Variants in MFAP1 observed in about 807,000 individuals in gnomAD.
The protein encoded by MFAP1 is microfibrillar-associated protein 1.
In MFAP1, 18 loss-of-function variants were observed where a neutral mutation model predicts 62.2. That is an observed-to-expected ratio of 0.29 (90% CI 0.20 to 0.43). The LOEUF (loss-of-function observed/expected upper bound fraction) is 0.43, where lower values mean the gene tolerates loss of function less well. Ranked by LOEUF, MFAP1 falls within the 20% of genes least tolerant of loss-of-function variation. MFAP1 has a pLI of 1.00. For synonymous variants in MFAP1, 175 were observed against 180.4 expected (o/e 0.97, Z 0.24); for missense variants, 355 against 559.7 (o/e 0.63, Z 3.69).
At chr15:43,811,423 A>AG (rs2087399972) in intron 6 of MFAP1, among the ~76,000 whole-genome samples, 1 of 150,670 alleles carries the variant, frequency 6.6e-6, no homozygotes, top group Admixed American at 6.6e-5. Context: ...CTCAAAAAAA[A>AG]AAAAAAAACC....
At position 43,824,590 on chromosome 15, in the gene MFAP1, T is replaced by G; in HGVS notation, c.-21A>C. ...GACATGTTGATGGCAGCGACGGTGA[T>G]TCCCGAAACTTGACTAATTCCAAAC... On this transcript the variant is annotated 5_prime_UTR_variant, in exon 1 of 9. Transcript: ENST00000267812. 2 of 1,613,906 alleles carry G rather than the reference T, an allele frequency of 1.2e-6. No homozygotes were observed. Among genetic ancestry groups the G allele is most frequent in the Non-Finnish European group, 1.7e-6 (2 of 1,179,808 alleles).
intron 1 of MFAP1, among the ~76,000 whole-genome samples, chr15:43,821,238 T>C (rs544409062): frequency 6.6e-6 from 1 of 152,292 alleles, no homozygotes; most frequent in Non-Finnish European, 1.5e-5. Context: ...TGTAATTTTA[T>C]TGAAAGATAA....
intron 2 of MFAP1, among the ~76,000 whole-genome samples, 187 bp from the exon 3 acceptor site, chr15:43,815,261 C>T (rs2087427362): frequency 6.6e-6 from 1 of 152,054 alleles, no homozygotes; most frequent in Non-Finnish European, 1.5e-5. Flanking sequence ...CTCACTGCCA[C>T]CTCTGCCTCC....
intron 4 of MFAP1, 87 bp from the exon 5 acceptor site, chr15:43,813,444 A>G (rs1288128346): frequency 2.4e-6 from 3 of 1,255,576 alleles, no homozygotes; most frequent in Non-Finnish European, 3.3e-6. Context: ...CAAATCAGAC[A>G]AAAACCAAAC....
Position 43,824,525 on chromosome 15 carries a change from A to T in MFAP1, c.45T>A (p.Ser15=), listed in dbSNP as rs1399698734. The T allele has an allele frequency of 6.2e-7, 1 of 1,614,046 alleles. No individual in the cohort carries two copies. Among genetic ancestry groups the T allele is most frequent in the African/African-American group, 1.3e-5 (1 of 74,910 alleles). Residue 15 remains serine (S), a synonymous_variant, in exon 1 of 9, where the codon TCT becomes TCA. Transcript: ENST00000267812. ...TGCGAACTGGGACGGCCCCAGCCGT[A>T]GACTGAATGGGCGGTTGCTTCATGA... ...SALMKQPPIQ[S]TAGAVPVRNE...
chr15:43,812,884 G>A lies in MFAP1; in HGVS notation c.887+103C>T, dbSNP rs565333039. On this transcript the variant is annotated intron_variant, in intron 6 of 8. Transcript: ENST00000267812. ...CTCACAAAGCAACAAGAACTCTGAA[G>A]GTGGCTAGAATGGAACTCACAGTAG... The A allele has an allele frequency of 5.3e-6, 7 of 1,322,764 alleles. No homozygotes were observed. The East Asian group carries it at 1.2e-4, about 22-fold the overall frequency. 81.9% of individuals were successfully genotyped at this position (1,322,764 alleles called of 1,614,324 possible). A position where few individuals can be genotyped will look rare whatever the true frequency, so the allele number is the denominator to read the frequency against.
intron 3 of MFAP1, 120 bp from the exon 4 acceptor site, chr15:43,814,808 C>A: frequency 6.7e-7 from 1 of 1,485,778 alleles, no homozygotes; most frequent in Non-Finnish European, 9.1e-7. Flanking sequence ...ATTTTTAATC[C>A]TATCCCCACA....
At chr15:43,810,052 T>C (rs1460611170) in intron 6 of MFAP1, 138 bp from the exon 7 acceptor site, 14 of 1,032,600 alleles carry the variant, frequency 1.4e-5, no homozygotes, top group Middle Eastern at 2.4e-4. Context: ...GGAATCAAGA[T>C]AAGGAGCTCA....
At chr15:43,821,064 T>C (rs1175634151) in intron 1 of MFAP1, among the ~76,000 whole-genome samples, 2 of 152,134 alleles carry the variant, frequency 1.3e-5, no homozygotes, top group East Asian at 1.9e-4. Flanking sequence ...ACCACCCAGG[T>C]AATTTTGTTT....
intron 1 of MFAP1, 24 bp downstream of exon 1, chr15:43,824,467 G>C: frequency 6.2e-7 from 1 of 1,612,828 alleles, no homozygotes; most frequent in Non-Finnish European, 8.5e-7. Flanking sequence ...AAATTCGACT[G>C]GGAAGAGGGT....
intron 2 of MFAP1, among the ~76,000 whole-genome samples, chr15:43,816,917 A>G (rs1163032096): frequency 6.6e-6 from 1 of 152,128 alleles, no homozygotes; most frequent in Non-Finnish European, 1.5e-5. Context: ...ACTCCTCTCA[A>G]CAGCCAACAA....
intron 7 of MFAP1, among the ~76,000 whole-genome samples, chr15:43,807,409 C>T (rs1299328446): frequency 1.3e-5 from 2 of 150,392 alleles, no homozygotes; most frequent in African/African-American, 4.9e-5. Flanking sequence ...AGTGCAGTGG[C>T]GTGATCTCGG....
At chr15:43,805,673 C>G (rs1029681136) in intron 7 of MFAP1, among the ~76,000 whole-genome samples, 1 of 151,566 alleles carries the variant, frequency 6.6e-6, no homozygotes, top group Non-Finnish European at 1.5e-5. Flanking sequence ...AGTGCACTGC[C>G]GCGATCTTGG....
At chr15:43,812,691 G>C (rs910440219) in intron 6 of MFAP1, among the ~76,000 whole-genome samples, 3 of 152,144 alleles carry the variant, frequency 2.0e-5, no homozygotes, top group African/African-American at 7.2e-5. Flanking sequence ...TTGTGGGTTG[G>C]GTTGTACACA....
chr15:43,804,906 T>C lies in MFAP1; in HGVS notation c.*188A>G. On this transcript the variant is annotated 3_prime_UTR_variant, in exon 9 of 9. Coordinates refer to ENST00000267812, the MANE Select transcript of MFAP1 (RefSeq NM_005926.3). Reference sequence around the variant, plus strand: ...ATCCTACCTGGACAGTGCTTTCCTGTGGGTTTCTCAGCATGAGTCCAAACC... The same window carrying C: ...ATCCTACCTGGACAGTGCTTTCCTGCGGGTTTCTCAGCATGAGTCCAAACC... 1.9e-6 allele frequency: 1 copy of C among 536,442 alleles called. No homozygotes were observed. Among genetic ancestry groups the C allele is most frequent in the Admixed American group, 3.4e-5 (1 of 29,816 alleles). The allele number at this position is 536,442 out of a possible 1,614,324, so 33.2% of individuals were successfully genotyped here.
chr15:43,824,604 C>A lies in MFAP1; in HGVS notation c.-35G>T. On this transcript the variant is annotated 5_prime_UTR_variant, in exon 1 of 9. Transcript: ENST00000267812. The stretch of plus-strand genomic sequence containing the variant: ...AGCGACGGTGATTCCCGAAACTTGA[C>A]TAATTCCAAACAGTGAACACCAGCA... 1 of 1,611,908 alleles carries A rather than the reference C, an allele frequency of 6.2e-7. No individual in the cohort carries two copies. The highest frequency in any genetic ancestry group is 8.5e-7 in the Non-Finnish European group (1 of 1,178,004).
At chr15:43,821,631 A>G (rs998143207) in intron 1 of MFAP1, among the ~76,000 whole-genome samples, 45 of 152,332 alleles carry the variant, frequency 3.0e-4, no homozygotes, top group African/African-American at 1.1e-3. Flanking sequence ...CCAACCATAT[A>G]GTAAAATTAG....
At chr15:43,805,927 T>C (rs2087362157) in intron 7 of MFAP1, among the ~76,000 whole-genome samples, 1 of 151,922 alleles carries the variant, frequency 6.6e-6, no homozygotes, top group East Asian at 1.9e-4. Flanking sequence ...GATATTCTTT[T>C]TCCTTTGTTG....
chr15:43,824,466 TG>T, intron 1 of MFAP1, 24 bp downstream of exon 1: 1 of 1,612,654 alleles, frequency 6.2e-7, no homozygotes, highest in Middle Eastern at 1.7e-4. Context: ...AAAATTCGAC[TG>T]GGAAGAGGGT....
Sources: gnomAD v4.1 joint callset for allele counts (sites outside exome capture counted in the v4.1 genomes callset) on GRCh38, gnomAD v4.1.1 for gene constraint, MANE v1.5 for transcripts, NCBI Gene and HGNC (gene_info 2026-07-23, HGNC 2026-07-21) for gene names.